The following ANGPT1 variants were observed in gnomAD, a reference collection of about 807,000 sequenced individuals.
The protein encoded by ANGPT1 is angiopoietin 1, also known as angiopoietin-1.
In ANGPT1, 17 loss-of-function variants were observed where a neutral mutation model predicts 62.2. That is an observed-to-expected ratio of 0.27 (90% CI 0.19 to 0.41). The LOEUF is 0.41. ANGPT1 is among the 10% of genes least tolerant of loss of function. The probability of loss-of-function intolerance (pLI) is 1.00; values close to 1 mark genes in which losing one functional copy is unlikely to be tolerated. For synonymous variants in ANGPT1, 199 were observed against 198.9 expected (o/e 1.00, Z 0.00); for missense variants, 478 against 594.9 (o/e 0.80, Z 2.04).
At chr8:107,419,137 G>A (rs1358408351) in intron 1 of ANGPT1, among the ~76,000 whole-genome samples, 2 of 152,102 alleles carry the variant, frequency 1.3e-5, no homozygotes, top group East Asian at 3.9e-4. Context: ...AGGATTCAGA[G>A]ACAGGGAGAT....
intron 1 of ANGPT1, among the ~76,000 whole-genome samples, chr8:107,428,214 T>G (rs73313618): frequency 0.054 from 8,158 of 152,246 alleles, 726 homozygotes; most frequent in African/African-American, 0.18. Context: ...CCTTCCCAGA[T>G]GACATTCACC....
intron 3 of ANGPT1, among the ~76,000 whole-genome samples, chr8:107,329,174 T>C (rs1815362647): frequency 6.6e-6 from 1 of 152,028 alleles, no homozygotes; most frequent in Non-Finnish European, 1.5e-5. Context: ...CACACATAAA[T>C]ATGCACACTC....
chr8:107,327,614 T>A (rs947193013), intron 3 of ANGPT1, among the ~76,000 whole-genome samples: 3 of 152,096 alleles, frequency 2.0e-5, no homozygotes, highest in Non-Finnish European at 4.4e-5. Flanking sequence ...CTTTTAGGAT[T>A]AGGGTTCCAT....
chr8:107,489,469 A>G (rs1316004436), intron 1 of ANGPT1, among the ~76,000 whole-genome samples: 21 of 152,208 alleles, frequency 1.4e-4, no homozygotes. Context: ...AAAGATCTTC[A>G]TAGGCCTAAA....
intron 1 of ANGPT1, among the ~76,000 whole-genome samples, chr8:107,440,528 A>C (rs573101337): frequency 1.3e-5 from 2 of 152,368 alleles, no homozygotes; most frequent in African/African-American, 4.8e-5. Context: ...GGGATGATTC[A>C]AAGTCCTATG....
chr8:107,375,736 A>G (rs1029931573), intron 1 of ANGPT1, among the ~76,000 whole-genome samples: 4 of 152,160 alleles, frequency 2.6e-5, no homozygotes, highest in African/African-American at 9.7e-5. Context: ...CAGAGAGGAA[A>G]GTACCAGCAA....
rs1813203667 is a variant in ANGPT1 at position 107,249,623 on chromosome 8, C to T, written c.*2232G>A. On this transcript the variant is annotated 3_prime_UTR_variant, in exon 9 of 9. Transcript: ENST00000517746. ...ATTCTGAAACAATTAAAAGAATACA[C>T]ATGTTAAATTGCCATAAACATGTAC... The T allele has an allele frequency of 6.7e-6, 1 of 148,694 alleles. No individual in the cohort carries two copies. Among genetic ancestry groups the T allele is most frequent in the South Asian group, 2.2e-4 (1 of 4,644 alleles). The allele number at this position is 148,694 out of a possible 1,614,324, so 9.2% of individuals were successfully genotyped here.
intron 1 of ANGPT1, among the ~76,000 whole-genome samples, chr8:107,451,893 G>C (rs1172436498): frequency 6.6e-6 from 1 of 151,802 alleles, no homozygotes; most frequent in Admixed American, 6.6e-5. Flanking sequence ...TTCACCATCA[G>C]CAATTTTAAA....
intron 2 of ANGPT1, among the ~76,000 whole-genome samples, chr8:107,342,007 T>TAGCATCAC (rs1474333110): frequency 6.6e-6 from 1 of 152,046 alleles, no homozygotes; most frequent in African/African-American, 2.4e-5. Flanking sequence ...CCCCCTAAAT[T>TAGCATCAC]AGCATCACGA....
chr8:107,459,489 A>AAACAACAACAAC (rs139781448), intron 1 of ANGPT1, among the ~76,000 whole-genome samples: 1 of 149,960 alleles, frequency 6.7e-6, no homozygotes, highest in Non-Finnish European at 1.5e-5. Flanking sequence ...ACTCCTTATC[A>AAACAACAACAAC]AACAACAACA....
At chr8:107,427,384 TC>T (rs1811067069) in intron 1 of ANGPT1, among the ~76,000 whole-genome samples, 1 of 152,088 alleles carries the variant, frequency 6.6e-6, no homozygotes, top group Non-Finnish European at 1.5e-5. Context: ...CAGAGCCAGC[TC>T]TTGTCTGTTT....
chr8:107,417,535 AT>A lies in ANGPT1; in HGVS notation c.298-70439del, dbSNP rs141609947. 2.0e-5 allele frequency among the ~76,000 whole-genome samples: 3 copies of A among 151,564 alleles called. No homozygotes were observed. In the South Asian group the frequency reaches 6.2e-4, roughly 32 times the overall value. On this transcript the variant is annotated intron_variant, in intron 1 of 8. Coordinates refer to ENST00000517746, the MANE Select transcript of ANGPT1 (RefSeq NM_001146.5). ...TTCAATCAAAAACCTCTGCAGAGCC[AT>A]TTTTTTTCATCCCCCGTTATTTTCA...
intron 1 of ANGPT1, among the ~76,000 whole-genome samples, chr8:107,460,196 T>C (rs1429084347): frequency 6.6e-6 from 1 of 152,190 alleles, no homozygotes; most frequent in East Asian, 1.9e-4. Context: ...GTATAAAGTA[T>C]TTACTTCTAA....
intron 6 of ANGPT1, among the ~76,000 whole-genome samples, chr8:107,285,392 C>G (rs564840529): frequency 9.9e-5 from 15 of 152,022 alleles, no homozygotes; most frequent in African/African-American, 3.1e-4. Flanking sequence ...TACTTTTGCA[C>G]CAAACTAATA....
rs201079189 is a variant in ANGPT1, at chr8:107,489,937, T to TAA, written c.297+7323_297+7324dup. Reference sequence around the variant, plus strand: ...AATGACACAATATAGCTTGCGGTATTAAAAAAAAAAAAAGAAGAAAAGAAA... The same window carrying TAA: ...AATGACACAATATAGCTTGCGGTATTAAAAAAAAAAAAAAAGAAGAAAAGAAA... On this transcript the variant is annotated intron_variant, in intron 1 of 8. Transcript: ENST00000517746. Among the ~76,000 whole-genome samples, 152 of 138,994 alleles carry TAA rather than the reference T, an allele frequency of 1.1e-3. 2 individuals carry two copies. In the East Asian group the frequency reaches 0.024, roughly 22 times the overall value. 91.2% of individuals were successfully genotyped at this position (138,994 alleles called of 152,430 possible). A position where few individuals can be genotyped will look rare whatever the true frequency, so the allele number is the denominator to read the frequency against.
At chr8:107,325,562 C>G (rs1285941985) in intron 3 of ANGPT1, among the ~76,000 whole-genome samples, 1 of 152,094 alleles carries the variant, frequency 6.6e-6, no homozygotes, top group Non-Finnish European at 1.5e-5. Context: ...TTTTCCTAAT[C>G]AGTAGGTAAC....
intron 7 of ANGPT1, among the ~76,000 whole-genome samples, chr8:107,276,814 A>G (rs1813878501): frequency 1.3e-5 from 2 of 152,150 alleles, no homozygotes; most frequent in Non-Finnish European, 2.9e-5. Context: ...AATTACATCA[A>G]ACTACTTCCC....
At chr8:107,425,255 T>A (rs748275915) in intron 1 of ANGPT1, among the ~76,000 whole-genome samples, 1 of 152,200 alleles carries the variant, frequency 6.6e-6, no homozygotes, top group African/African-American at 2.4e-5. Flanking sequence ...TGATTTCTAG[T>A]ATGGAATTCA....
At chr8:107,286,398 A>T (rs191932080) in intron 6 of ANGPT1, among the ~76,000 whole-genome samples, 125 of 152,280 alleles carry the variant, frequency 8.2e-4, no homozygotes, top group Middle Eastern at 6.8e-3. Context: ...AATTTTAAAA[A>T]TTTAAAGAAT....
Sources: allele counts gnomAD v4.1 joint callset (sites outside exome capture counted in the v4.1 genomes callset), GRCh38; gene constraint gnomAD v4.1.1; transcripts MANE v1.5; gene names NCBI Gene and HGNC (gene_info 2026-07-23, HGNC 2026-07-21).